GRAMD2B: variants seen among roughly 807,000 people sequenced by gnomAD.
GRAMD2B encodes GRAM domain containing 2B, also known as GRAM domain-containing protein 2B.
A neutral mutation model predicts 59.2 loss-of-function variants in GRAMD2B; 41 were observed. That is an observed-to-expected ratio of 0.69 (90% CI 0.54 to 0.90). GRAMD2B has a LOEUF of 0.90. GRAMD2B is among the 40% of genes least tolerant of loss of function. The pLI is 0.00. For synonymous variants in GRAMD2B, 161 were observed against 182.7 expected, an observed-to-expected ratio of 0.88 and a Z score of 0.96; for missense variants, 424 against 500.5, an observed-to-expected ratio of 0.85 and a Z score of 1.46.
intron 1 of GRAMD2B, among the ~76,000 whole-genome samples, chr5:126,444,063 AAGAG>A (rs932172538): frequency 6.6e-6 from 1 of 151,998 alleles, no homozygotes; most frequent in Non-Finnish European, 1.5e-5. Flanking sequence ...AAAAAAAAAA[AAGAG>A]AGAGGCCTTC....
At chr5:126,491,841 C>G (rs1040891817) in intron 13 of GRAMD2B, among the ~76,000 whole-genome samples, 2 of 152,090 alleles carry the variant, frequency 1.3e-5, no homozygotes, top group African/African-American at 4.8e-5. Flanking sequence ...TCAAGCAATT[C>G]TCCTGCCTCA....
upstream of GRAMD2B, among the ~76,000 whole-genome samples, chr5:126,422,889 G>A (rs138946640): frequency 2.0e-5 from 3 of 151,908 alleles, no homozygotes; most frequent in East Asian, 5.8e-4. Flanking sequence ...GATTTTGATG[G>A]TTGCTTCTTC....
chr5:126,485,574 A>T (rs886491156), intron 10 of GRAMD2B, 112 bp from the exon 11 acceptor site: 1 of 622,454 alleles, frequency 1.6e-6, no homozygotes, highest in African/African-American at 1.9e-5. Context: ...ATTTTCTCTG[A>T]TTTCTTTTAC....
At chr5:126,410,084 T>G (rs1432401042) in intron 1 of GRAMD2B, among the ~76,000 whole-genome samples, 1 of 151,992 alleles carries the variant, frequency 6.6e-6, no homozygotes, top group Non-Finnish European at 1.5e-5. Flanking sequence ...CTGTTTTGGT[T>G]ACTGTAGCCT....
At chr5:126,484,630 CT>C in intron 10 of GRAMD2B, 106 bp downstream of exon 10, 2 of 1,171,480 alleles carry the variant, frequency 1.7e-6, no homozygotes, top group South Asian at 3.4e-5. Flanking sequence ...ACCCAGGCTG[CT>C]GTAGTGCAAT....
upstream of GRAMD2B, among the ~76,000 whole-genome samples, chr5:126,422,421 A>G (rs1183968284): frequency 6.6e-6 from 1 of 151,792 alleles, no homozygotes; most frequent in Admixed American, 6.6e-5. Context: ...CTAGTCTCGA[A>G]CTCCTGACCT....
intron 1 of GRAMD2B, among the ~76,000 whole-genome samples, chr5:126,451,695 C>A (rs1765401590): frequency 6.6e-6 from 1 of 152,046 alleles, no homozygotes; most frequent in Non-Finnish European, 1.5e-5. Context: ...TGTGGGGGGC[C>A]AGCGGCAGAA....
chr5:126,423,973 A>C (rs951760806), intron 1 of GRAMD2B, among the ~76,000 whole-genome samples: 4 of 152,258 alleles, frequency 2.6e-5, no homozygotes, highest in Admixed American at 6.5e-5. Context: ...AAGCCTAACC[A>C]CATTGAAGCT....
intron 1 of GRAMD2B, among the ~76,000 whole-genome samples, chr5:126,443,193 T>G (rs889425954): frequency 2.0e-5 from 3 of 152,154 alleles, no homozygotes; most frequent in Non-Finnish European, 2.9e-5. Context: ...GGTATAAGAT[T>G]TAAGTTTTTA....
At chr5:126,442,626 G>T (rs1333125235) in intron 1 of GRAMD2B, among the ~76,000 whole-genome samples, 2 of 152,100 alleles carry the variant, frequency 1.3e-5, no homozygotes, top group East Asian at 3.9e-4. Context: ...TTACATGTAT[G>T]CATTATAAAA....
chr5:126,410,142 T>A (rs1269398221), intron 1 of GRAMD2B, among the ~76,000 whole-genome samples: 2 of 152,156 alleles, frequency 1.3e-5, no homozygotes, highest in Non-Finnish European at 2.9e-5. Context: ...AGCTTTGTTC[T>A]TTTGGCTTAG....
chr5:126,419,170 A>G (rs1418457581), upstream of GRAMD2B, among the ~76,000 whole-genome samples: 1 of 152,176 alleles, frequency 6.6e-6, no homozygotes, highest in African/African-American at 2.4e-5. Flanking sequence ...GAGATTGGGT[A>G]ATTTATAAAG....
chr5:126,408,271 G>T (rs1385715923), intron 1 of GRAMD2B, among the ~76,000 whole-genome samples: 1 of 152,008 alleles, frequency 6.6e-6, no homozygotes, highest in African/African-American at 2.4e-5. Context: ...TTGCTGCAAA[G>T]GACATGAATT....
At chr5:126,384,911 A>G (rs1348588152) in intron 1 of GRAMD2B, among the ~76,000 whole-genome samples, 1 of 152,248 alleles carries the variant, frequency 6.6e-6, no homozygotes, top group Admixed American at 6.5e-5. Context: ...TTCATTATAC[A>G]TTAAATTATA....
chr5:126,393,949 A>G (rs1757083545), intron 1 of GRAMD2B, among the ~76,000 whole-genome samples: 2 of 152,110 alleles, frequency 1.3e-5, no homozygotes, highest in Non-Finnish European at 2.9e-5. Context: ...GAGTATCACA[A>G]GACACTCATA....
At chr5:126,368,091 A>C (rs888806716), upstream of GRAMD2B, among the ~76,000 whole-genome samples, 1 of 151,998 alleles carries the variant, frequency 6.6e-6, no homozygotes, top group African/African-American at 2.4e-5. Flanking sequence ...CCATGGAAGG[A>C]TATAAAAGAG....
intron 1 of GRAMD2B, among the ~76,000 whole-genome samples, chr5:126,375,930 T>C (rs937626149): frequency 1.3e-5 from 2 of 152,220 alleles, no homozygotes; most frequent in African/African-American, 4.8e-5. Context: ...ATTGATAATG[T>C]GCACAGTACC....
At chr5:126,438,890 C>T (rs2149823035) in intron 1 of GRAMD2B, among the ~76,000 whole-genome samples, 1 of 152,228 alleles carries the variant, frequency 6.6e-6, no homozygotes, top group Admixed American at 6.5e-5. Flanking sequence ...ATAGCTGATG[C>T]TTTTCTCTGA....
intron 1 of GRAMD2B, among the ~76,000 whole-genome samples, chr5:126,377,942 T>C (rs1470323814): frequency 6.6e-6 from 1 of 152,232 alleles, no homozygotes; most frequent in East Asian, 1.9e-4. Flanking sequence ...CTATTCTTTT[T>C]ATTGCCTAGT....
Sources: gnomAD v4.1 joint callset for allele counts (sites outside exome capture counted in the v4.1 genomes callset) on GRCh38, gnomAD v4.1.1 for gene constraint, MANE v1.5 for transcripts, NCBI Gene and HGNC (gene_info 2026-07-23, HGNC 2026-07-21) for gene names.